FRMD1: variants seen among roughly 807,000 people sequenced by gnomAD.
FRMD1 encodes the protein FERM domain containing 1, also known as FERM domain-containing protein 1.
FRMD1 carries 51 observed loss-of-function variants against 54.9 expected under a neutral mutation model. The observed-to-expected ratio is 0.93, with a 90% CI of 0.74 to 1.17. FRMD1 has a LOEUF of 1.17. Among genes scored for constraint, FRMD1 ranks in the 50% most tolerant of loss-of-function variants. The pLI, the probability that FRMD1 is intolerant of heterozygous loss-of-function variation, is 0.00. For synonymous variants in FRMD1, 324 were observed against 306.4 expected, an observed-to-expected ratio of 1.06 and a Z score of -0.60; for missense variants, 729 against 743.0, an observed-to-expected ratio of 0.98 and a Z score of 0.22.
intron 2 of FRMD1, among the ~76,000 whole-genome samples, chr6:168,068,394 G>A (rs753125260): frequency 1.3e-5 from 2 of 152,108 alleles, no homozygotes; most frequent in South Asian, 2.1e-4. Flanking sequence ...CAATCCCTCC[G>A]TGTCTGCTGG....
chr6:168,072,499 G>A (rs1284106083), intron 2 of FRMD1, among the ~76,000 whole-genome samples: 1 of 152,236 alleles, frequency 6.6e-6, no homozygotes, highest in African/African-American at 2.4e-5. Flanking sequence ...CTCGCCTTGG[G>A]AGAGCAGGGA....
In FRMD1 at chr6:168,063,647, G is replaced by A; in HGVS notation, c.758C>T (p.Ala253Val). The A allele has an allele frequency of 1.2e-6, 2 of 1,613,680 alleles. No individual in the cohort carries two copies. The highest frequency in any genetic ancestry group is 1.7e-6 in the Non-Finnish European group (2 of 1,179,834). ...KEAMLCFIQE[A>V]CRLEDVPVHF... is the part of the protein sequence containing the mutation. ...CACGGGCACGTCCTCCAGCCGGCAG[G>A]CCTCCTGGATGAAGCACAGCATGGC... Residue 253 changes from alanine (A) to valine (V), a missense_variant, in exon 6 of 11, where the codon GCC becomes GTC. Physicochemically the swap from Ala to Val is moderately conservative, Grantham distance 64. Coordinates refer to ENST00000283309, the MANE Select transcript of FRMD1 (RefSeq NM_024919.6).
chr6:168,070,914 C>A (rs1800275631), intron 2 of FRMD1, among the ~76,000 whole-genome samples: 1 of 152,228 alleles, frequency 6.6e-6, no homozygotes, highest in African/African-American at 2.4e-5. Context: ...GTGGGGACTA[C>A]ATGCACCCTC....
At chr6:168,067,634 G>A (rs555124392) in intron 2 of FRMD1, 188 bp from the exon 3 acceptor site, 5 of 534,228 alleles carry the variant, frequency 9.4e-6, no homozygotes, top group Admixed American at 7.4e-5. Context: ...ACATGCAGGT[G>A]TCAAATGCTT....
At chr6:168,088,474 G>C (rs1800959802) in intron 1 of FRMD1, among the ~76,000 whole-genome samples, 1 of 152,190 alleles carries the variant, frequency 6.6e-6, no homozygotes, top group East Asian at 1.9e-4. Context: ...AATTCTCCCT[G>C]CTGCCTCCCC....
chr6:168,065,236 C>A, intron 4 of FRMD1, 179 bp from the exon 5 acceptor site: 9 of 1,382,766 alleles, frequency 6.5e-6, no homozygotes, highest in Non-Finnish European at 8.4e-6. Context: ...CACAGGCCCA[C>A]ACTCTTCCTG....
upstream of FRMD1, chr6:168,081,257 C>A (rs762071878): frequency 1.5e-5 from 19 of 1,235,176 alleles, no homozygotes; most frequent in Non-Finnish European, 1.9e-5. Context: ...GAGGGGACAC[C>A]AGAACCTCTG....
At chr6:168,074,693 G>A (rs1411313672) in intron 2 of FRMD1, among the ~76,000 whole-genome samples, 1 of 150,856 alleles carries the variant, frequency 6.6e-6, no homozygotes, top group Non-Finnish European at 1.5e-5. Context: ...GTGTGTAATT[G>A]TGGGCATGTG....
In FRMD1 at chr6:168,061,684, G is replaced by A. The variant is rs1799741902; in HGVS notation, c.1045+123C>T. 9.6e-6 allele frequency: 10 copies of A among 1,046,226 alleles called. No homozygotes were observed. The Admixed American group carries it at 1.0e-4, about 11-fold the overall frequency. The allele number at this position is 1,046,226 out of a possible 1,614,324, so 64.8% of individuals were successfully genotyped here. On this transcript the variant is annotated intron_variant, in intron 8 of 10. Coordinates refer to ENST00000283309, the MANE Select transcript of FRMD1 (RefSeq NM_024919.6). ...TTCGACCTCAGCATCTGGGGGACGT[G>A]GGAGTCAGGAGGCCACAACAATAAG...
intron 1 of FRMD1, among the ~76,000 whole-genome samples, chr6:168,091,472 C>T (rs558622593): frequency 1.3e-5 from 2 of 152,368 alleles, no homozygotes; most frequent in African/African-American, 4.8e-5. Context: ...GGTCAGGCTC[C>T]TGGGGACTCC....
rs1355043170 is a variant in FRMD1 at position 168,060,999 on chromosome 6, G to A, written c.1104C>T (p.Ser368=). 6.2e-7 allele frequency: 1 copy of A among 1,613,082 alleles called. No individual in the cohort carries two copies. The highest frequency in any genetic ancestry group is 8.5e-7 in the Non-Finnish European group (1 of 1,180,000). Residue 368 remains serine (S), a synonymous_variant, in exon 9 of 11, where the codon AGC becomes AGT. Coordinates refer to ENST00000283309, the MANE Select transcript of FRMD1 (RefSeq NM_024919.6). ...ISDELELDLA[S]RSFPGSGVSS... is the part of the protein sequence containing the mutation. Reference sequence around the variant, plus strand: ...TGACCCCACTGCCCGGGAAGCTCCTGCTGGCCAGGTCCAGCTCCAGCTCAT... The same window carrying A: ...TGACCCCACTGCCCGGGAAGCTCCTACTGGCCAGGTCCAGCTCCAGCTCAT...
Position 168,057,174 on chromosome 6 carries a change from G to C in FRMD1, c.1573C>G (p.Leu525Val). Residue 525 changes from leucine to valine, a missense_variant, in exon 11 of 11, where the codon CTC becomes GTC. By Grantham distance (32) the Leu-to-Val change is conservative. Transcript: ENST00000283309. The part of the protein sequence containing the change: ...LAGPCETRAT[L>V]PSKRSSNCLA... ...CAGTTGCTGGACCTCTTGCTGGGGAGAGTGGCCCTGGTCTCGCAGGGGCCT... is the reference window on the plus strand; with the variant it reads ...CAGTTGCTGGACCTCTTGCTGGGGACAGTGGCCCTGGTCTCGCAGGGGCCT... 2 of 1,588,768 alleles carry C rather than the reference G, an allele frequency of 1.3e-6. No homozygotes were observed. Among genetic ancestry groups the C allele is most frequent in the South Asian group, 2.3e-5 (2 of 86,346 alleles).
intron 10 of FRMD1, 183 bp from the exon 11 acceptor site, chr6:168,057,522 G>C: frequency 2.5e-6 from 2 of 794,274 alleles, no homozygotes; most frequent in Non-Finnish European, 3.8e-6. Flanking sequence ...AGAGAGGCTT[G>C]GCATCTTCCT....
At chr6:168,066,677 G>T in intron 4 of FRMD1, 78 bp downstream of exon 4, 1 of 1,503,528 alleles carries the variant, frequency 6.7e-7, no homozygotes, top group East Asian at 2.3e-5. Flanking sequence ...GTAATGTGTG[G>T]CCTTCAGGGG....
rs758876464 is a variant in FRMD1, at chr6:168,059,013, G to A, written c.1407+111C>T. 1.6e-5 allele frequency: 13 copies of A among 803,332 alleles called. No individual in the cohort carries two copies. The highest frequency in any genetic ancestry group is 2.7e-5 in the East Asian group (1 of 36,952). 49.8% of individuals were successfully genotyped at this position (803,332 alleles called of 1,614,324 possible). On this transcript the variant is annotated intron_variant, in intron 10 of 10. Coordinates refer to ENST00000283309, the MANE Select transcript of FRMD1 (RefSeq NM_024919.6). The surrounding 1 kb of genome is among the most constrained non-coding windows in gnomAD (Gnocchi z 4.4). Reference sequence around the variant, plus strand: ...CGCTGCGTCTCTGGGGATGTCAGTCGAGGGACCCTCTGATAGGCCTAGGAA... The same window carrying A: ...CGCTGCGTCTCTGGGGATGTCAGTCAAGGGACCCTCTGATAGGCCTAGGAA...
upstream of FRMD1, chr6:168,081,884 G>A (rs770182750): frequency 2.7e-5 from 6 of 219,206 alleles, no homozygotes; most frequent in African/African-American, 9.1e-5. Flanking sequence ...GAAACATTTC[G>A]CTTTAGAGGA....
chr6:168,063,313 G>A (rs1383987954), intron 6 of FRMD1, among the ~76,000 whole-genome samples: 2 of 149,658 alleles, frequency 1.3e-5, no homozygotes, highest in Admixed American at 1.3e-4. Flanking sequence ...TCCCTGCCCC[G>A]GGGTCCTGGT....
At position 168,063,736 on chromosome 6, in the gene FRMD1, A is replaced by G. The variant is rs370281501; in HGVS notation, c.669T>C (p.Ile223=). The change falls in exon 6 of 11, where the codon ATT becomes ATC. Residue 223 remains isoleucine (I), a synonymous_variant. Transcript: ENST00000283309. ...TAGGCATGTGCCGGAGGATGTAGTC[A>G]ATCCCCCTCTTGGTGATGATCTGAG... ...FPQWIITKRG[I]DYILRHMPTL... 2.5e-5 allele frequency: 41 copies of G among 1,612,864 alleles called. No homozygotes were observed. The highest frequency in any genetic ancestry group is 3.3e-5 in the Non-Finnish European group (39 of 1,179,364).
chr6:168,079,978 C>T (rs1800780664), upstream of FRMD1, among the ~76,000 whole-genome samples: 1 of 152,118 alleles, frequency 6.6e-6, no homozygotes, highest in African/African-American at 2.4e-5. Context: ...CGCTGCAGGT[C>T]AGGAGAGGCA....
Sources: gnomAD v4.1 joint callset for allele counts (sites outside exome capture counted in the v4.1 genomes callset) on GRCh38, gnomAD v4.1.1 for gene constraint, Gnocchi (gnomAD v3.1) non-coding constraint, MANE v1.5 for transcripts, NCBI Gene and HGNC (gene_info 2026-07-23, HGNC 2026-07-21) for gene names.